Variants in NTRK3 observed in about 807,000 individuals in gnomAD.
The protein encoded by NTRK3 is NT-3 growth factor receptor.
Under a neutral mutation model 91.7 loss-of-function variants are expected in NTRK3, and 24 were observed. The ratio of observed to expected loss-of-function variants is 0.26; its 90% confidence interval spans 0.19 to 0.37. The LOEUF is 0.37. Among genes scored for constraint, NTRK3 ranks in the 10% least tolerant of loss-of-function variants. The pLI is 1.00. For missense variants in NTRK3, 880 were observed against 1,068.9 expected, an observed-to-expected ratio of 0.82 and a Z score of 2.46; for synonymous variants, 483 against 404.0, an observed-to-expected ratio of 1.20 and a Z score of -2.34.
At chr15:88,229,274 G>T in intron 3 of NTRK3, among the ~76,000 whole-genome samples, 1 of 152,286 alleles carries the variant, frequency 6.6e-6, no homozygotes, top group East Asian at 1.9e-4. Context: ...GTTCCAGGAG[G>T]AACTAAAGCT....
At chr15:87,920,937 T>C (rs2067817698) in intron 17 of NTRK3, among the ~76,000 whole-genome samples, 1 of 152,162 alleles carries the variant, frequency 6.6e-6, no homozygotes, top group Non-Finnish European at 1.5e-5. Flanking sequence ...GTGGAAAAGC[T>C]GGTAAAATCC....
chr15:87,860,343 T>A (rs2064491364), exon 19 of NTRK3: 1 of 216,452 alleles, frequency 4.6e-6, no homozygotes, highest in African/African-American at 2.3e-5. Flanking sequence ...AAATAATTTT[T>A]TGTTTTCTTT....
intron 3 of NTRK3, among the ~76,000 whole-genome samples, chr15:88,198,968 T>A (rs955875866): frequency 6.6e-5 from 10 of 152,186 alleles, no homozygotes; most frequent in Non-Finnish European, 1.2e-4. Flanking sequence ...CAGTCACAAA[T>A]TTCTCTGCTG....
At chr15:87,933,893 G>A (rs980092092) in intron 15 of NTRK3, among the ~76,000 whole-genome samples, 1 of 152,146 alleles carries the variant, frequency 6.6e-6, no homozygotes, top group Admixed American at 6.5e-5. Flanking sequence ...AGTGCAGGAT[G>A]GAAAGGAGCA....
chr15:88,150,358 T>C (rs895290368), intron 5 of NTRK3, among the ~76,000 whole-genome samples: 7 of 152,262 alleles, frequency 4.6e-5, no homozygotes, highest in African/African-American at 1.7e-4. Flanking sequence ...AAAAGAAAAT[T>C]GGATTCTGAA....
rs1364169229 is a variant in NTRK3 at position 88,255,447 on chromosome 15, A to G, written c.248+459T>C. On this transcript the variant is annotated intron_variant, in intron 3 of 18. Transcript: ENST00000394480. The surrounding 1 kb of genome is among the most constrained non-coding windows in gnomAD (Gnocchi z 4.3). ...CTCGGCTGGATCGCGAGCAGTCCCT[A>G]TCTGTCACCTTCCCTGCCGGCTAAG... Among the ~76,000 whole-genome samples, 1 of 152,142 alleles carries G rather than the reference A, an allele frequency of 6.6e-6. No individual in the cohort carries two copies. Among genetic ancestry groups the G allele is most frequent in the South Asian group, 2.1e-4 (1 of 4,826 alleles).
chr15:88,102,890 T>TC (rs1309349504), intron 13 of NTRK3, among the ~76,000 whole-genome samples: 1 of 152,142 alleles, frequency 6.6e-6, no homozygotes, highest in Non-Finnish European at 1.5e-5. Flanking sequence ...ATAACCACCC[T>TC]CCAGTCAGAG....
intron 13 of NTRK3, among the ~76,000 whole-genome samples, chr15:88,122,690 C>T (rs1175099964): frequency 6.6e-6 from 1 of 151,930 alleles, no homozygotes; most frequent in African/African-American, 2.4e-5. Flanking sequence ...TATTAGTAGG[C>T]CCTCCCTATC....
At chr15:87,930,185 CCT>C (rs1176085953) in intron 16 of NTRK3, among the ~76,000 whole-genome samples, 1 of 152,170 alleles carries the variant, frequency 6.6e-6, no homozygotes, top group Non-Finnish European at 1.5e-5. Flanking sequence ...GTGGAGAGAG[CCT>C]CTGACCTTGA....
intron 3 of NTRK3, among the ~76,000 whole-genome samples, chr15:88,247,570 C>T (rs2052957409): frequency 6.6e-6 from 1 of 152,146 alleles, no homozygotes; most frequent in Non-Finnish European, 1.5e-5. Flanking sequence ...CAGAGCCTAG[C>T]GAATACATCA....
intron 3 of NTRK3, among the ~76,000 whole-genome samples, chr15:88,247,013 G>A (rs1006154325): frequency 6.6e-6 from 1 of 152,182 alleles, no homozygotes; most frequent in African/African-American, 2.4e-5. Context: ...CACCAGGAGT[G>A]TAGCCGCAGA....
chr15:88,127,269 G>T (rs371363581), intron 11 of NTRK3, 43 bp from the exon 12 acceptor site: 13 of 1,545,196 alleles, frequency 8.4e-6, no homozygotes, highest in Admixed American at 1.7e-5. Context: ...TTAGCTTCCC[G>T]GCTGGGGAGG....
exon 10 of NTRK3, chr15:88,135,349 T>C: frequency 6.2e-7 from 1 of 1,614,170 alleles, no homozygotes; most frequent in South Asian, 1.1e-5. Context: ...CTCGATGCAG[T>C]GCTCCAGGCG....
chr15:88,160,675 G>A (rs986022322), intron 5 of NTRK3, among the ~76,000 whole-genome samples: 1 of 152,184 alleles, frequency 6.6e-6, no homozygotes, highest in Non-Finnish European at 1.5e-5. Context: ...TCAACCCTGG[G>A]GATCACGTGA....
chr15:88,137,375 C>A (rs1298336001), intron 7 of NTRK3, 29 bp downstream of exon 7: 2 of 1,611,636 alleles, frequency 1.2e-6, no homozygotes, highest in African/African-American at 2.7e-5. Context: ...CTCCCTGGAG[C>A]CAGCTGGGCC....
At chr15:87,916,936 A>G (rs1273412231) in intron 17 of NTRK3, among the ~76,000 whole-genome samples, 1 of 151,946 alleles carries the variant, frequency 6.6e-6, no homozygotes, top group East Asian at 1.9e-4. Flanking sequence ...CTAATTTTTC[A>G]TATTTTCAGT....
intron 13 of NTRK3, among the ~76,000 whole-genome samples, chr15:88,095,827 G>A (rs1297432326): frequency 6.6e-6 from 1 of 152,154 alleles, no homozygotes; most frequent in African/African-American, 2.4e-5. Context: ...AAGGTCCCAT[G>A]TACCTATGCC....
chr15:88,032,029 C>T (rs1413005591), intron 14 of NTRK3, among the ~76,000 whole-genome samples: 2 of 152,130 alleles, frequency 1.3e-5, no homozygotes, highest in South Asian at 2.1e-4. Flanking sequence ...GCATGGGTGT[C>T]CCTGTTCTCC....
intron 16 of NTRK3, chr15:87,931,290 G>C (rs1313537919): frequency 2.0e-6 from 1 of 506,344 alleles, no homozygotes; most frequent in Non-Finnish European, 3.9e-6. Context: ...TTGGGCCCCA[G>C]GGGAACAAAA....
Sources: allele counts gnomAD v4.1 joint callset (sites outside exome capture counted in the v4.1 genomes callset), GRCh38; gene constraint gnomAD v4.1.1; non-coding constraint Gnocchi (gnomAD v3.1); transcripts MANE v1.5; gene names NCBI Gene and HGNC (gene_info 2026-07-23, HGNC 2026-07-21).